The following RIMBP2 variants were observed in gnomAD, a reference collection of about 807,000 sequenced individuals.
RIMBP2 encodes RIMS-binding protein 2.
RIMBP2 carries 48 observed loss-of-function variants against 118.6 expected under a neutral mutation model. That is an observed-to-expected ratio of 0.40 (90% CI 0.32 to 0.51). The LOEUF (loss-of-function observed/expected upper bound fraction) is 0.51. Ranked by LOEUF, RIMBP2 falls within the 20% of genes least tolerant of loss-of-function variation. The pLI is 0.41. For synonymous variants in RIMBP2, 762 were observed against 742.9 expected, an observed-to-expected ratio of 1.03 and a Z score of -0.42; for missense variants, 1,551 against 1,768.3, an observed-to-expected ratio of 0.88 and a Z score of 2.20.
At chr12:130,479,075 C>G in intron 4 of RIMBP2, 59 bp from the exon 5 acceptor site, 1 of 1,397,206 alleles carries the variant, frequency 7.2e-7, no homozygotes, top group Non-Finnish European at 9.9e-7. Flanking sequence ...GGGCGTGCAT[C>G]CTATACCCTG....
chr12:130,658,116 C>T (rs575045019), intron 1 of RIMBP2: 1 of 152,388 alleles, frequency 6.6e-6, no homozygotes, highest in Non-Finnish European at 1.5e-5. Context: ...CAGTAACCAA[C>T]AATGAATGCC....
chr12:130,428,617 G>T (rs990178844), intron 14 of RIMBP2: 4 of 297,194 alleles, frequency 1.3e-5, no homozygotes, highest in African/African-American at 8.7e-5. Context: ...AAACCCACTG[G>T]GGCTTACAAG....
intron 2 of RIMBP2, among the ~76,000 whole-genome samples, chr12:130,535,656 T>C (rs2053932745): frequency 6.7e-6 from 1 of 148,930 alleles, no homozygotes; most frequent in Non-Finnish European, 1.5e-5. Context: ...TACATACATA[T>C]ACACATATAC....
intron 1 of RIMBP2, among the ~76,000 whole-genome samples, chr12:130,653,946 A>G (rs2063328428): frequency 6.6e-6 from 1 of 152,110 alleles, no homozygotes; most frequent in African/African-American, 2.4e-5. Flanking sequence ...GGCCCCTGAA[A>G]CTATTCTTTC....
intron 6 of RIMBP2, among the ~76,000 whole-genome samples, chr12:130,463,958 T>C (rs975843155): frequency 3.3e-5 from 5 of 151,114 alleles, no homozygotes; most frequent in African/African-American, 7.3e-5. Context: ...TTATAATGCA[T>C]TGGCTGCTAA....
chr12:130,608,456 T>C (rs1254020592), intron 2 of RIMBP2, among the ~76,000 whole-genome samples: 5 of 152,236 alleles, frequency 3.3e-5, no homozygotes, highest in Admixed American at 3.3e-4. Context: ...AGGCTACGTG[T>C]GCCTCTTGCA....
chr12:130,568,646 G>A (rs1409588089), intron 2 of RIMBP2, among the ~76,000 whole-genome samples: 2 of 152,246 alleles, frequency 1.3e-5, no homozygotes, highest in Non-Finnish European at 1.5e-5. Flanking sequence ...TTGCCAACTT[G>A]ATCTGTGCGC....
chr12:130,609,336 T>A (rs1042557509), intron 2 of RIMBP2, among the ~76,000 whole-genome samples: 3 of 152,148 alleles, frequency 2.0e-5, no homozygotes, highest in African/African-American at 7.2e-5. Flanking sequence ...AAATGTGTTC[T>A]CTACACAACG....
intron 4 of RIMBP2, among the ~76,000 whole-genome samples, chr12:130,480,198 T>TACACACACACACACAC (rs10580090): frequency 6.2e-5 from 8 of 128,090 alleles, no homozygotes; most frequent in African/African-American, 2.8e-4. Flanking sequence ...TTTCCTTTCA[T>TACACACACACACACAC]ACACACACAC....
In RIMBP2 at chr12:130,412,689, A is replaced by T. The variant is rs778624032; in HGVS notation, c.3519T>A (p.Asp1173Glu). Residue 1173 changes from aspartate to glutamate, a missense_variant, in exon 19 of 23, where the codon GAT (aspartate) becomes GAA (glutamate). Physicochemically the swap from Asp to Glu is conservative, Grantham distance 45. Around this residue, in one of 5 missense-constraint regions of RIMBP2, gnomAD observed 1,038 missense variants for 1,125.1 expected, o/e 0.92. Coordinates refer to ENST00000690449, the MANE Select transcript of RIMBP2 (RefSeq NM_001393629.1). ...GAAGCTGATCCATCATCTCCTCATCATCTGCTTGTATCTCAGAGACCATGT... is the reference window on the plus strand; with the variant it reads ...GAAGCTGATCCATCATCTCCTCATCTTCTGCTTGTATCTCAGAGACCATGT... ...PCNMVSEIQA[D>E]DEEMMDQLLR... 23 of 1,613,642 alleles carry T rather than the reference A, an allele frequency of 1.4e-5. No homozygotes were observed. In the South Asian group the frequency reaches 2.4e-4, roughly 17 times the overall value.
At chr12:130,480,715 T>C (rs914079823) in intron 4 of RIMBP2, among the ~76,000 whole-genome samples, 10 of 152,080 alleles carry the variant, frequency 6.6e-5, no homozygotes, top group East Asian at 3.9e-4. Context: ...ACTCTCGTGC[T>C]TCAGCCTCCC....
intron 2 of RIMBP2, among the ~76,000 whole-genome samples, chr12:130,527,411 C>T (rs890858692): frequency 2.6e-5 from 4 of 152,206 alleles, no homozygotes; most frequent in Admixed American, 2.6e-4. Context: ...ATGACTGATA[C>T]ATGCTATTCC....
Position 130,414,037 on chromosome 12 carries a change from A to G in RIMBP2, c.3420+88T>C, listed in dbSNP as rs1001657597. The stretch of plus-strand genomic sequence containing the variant: ...GGCCTGCAGGAGAAGGCCATCTCTA[A>G]GTCGATACCCTGTTGCCAGTCTCTG... On this transcript the variant is annotated intron_variant, in intron 18 of 22. Coordinates refer to ENST00000690449, the MANE Select transcript of RIMBP2 (RefSeq NM_001393629.1). 1.3e-5 allele frequency: 18 copies of G among 1,389,086 alleles called. No homozygotes were observed. The Admixed American group carries it at 3.0e-4, about 23-fold the overall frequency. The allele number at this position is 1,389,086 out of a possible 1,614,324, so 86.0% of individuals were successfully genotyped here. A position where few individuals can be genotyped will look rare whatever the true frequency, so the allele number is the denominator to read the frequency against.
Position 130,581,070 on chromosome 12 carries a change from C to T in RIMBP2, c.-217+47252G>A, listed in dbSNP as rs60529003. Among the ~76,000 whole-genome samples the T allele has an allele frequency of 0.099, 15,133 of 152,176 alleles. 923 individuals are homozygous for T. The highest frequency in any genetic ancestry group is 0.17 in the African/African-American group (7,102 of 41,482). ...CTGAGGCAGGGGCCTCGTGGCCGCA[C>T]CCTCATCCTGCCCTTCACCTGCTCA... is the stretch of plus-strand genomic sequence containing the variant. On this transcript the variant is annotated intron_variant, in intron 2 of 22. Coordinates refer to ENST00000690449, the MANE Select transcript of RIMBP2 (RefSeq NM_001393629.1). The surrounding 1 kb of genome is among the most constrained non-coding windows in gnomAD (Gnocchi z 4.4).
chr12:130,584,237 CCACCAT>C (rs147630135), intron 2 of RIMBP2, among the ~76,000 whole-genome samples: 1,568 of 33,268 alleles, frequency 0.047, 193 homozygotes, highest in Non-Finnish European at 0.094. Flanking sequence ...CACTTCACCA[CCACCAT>C]CACCATCACC....
At chr12:130,480,934 T>G (rs1490097117) in intron 4 of RIMBP2, among the ~76,000 whole-genome samples, 2 of 152,258 alleles carry the variant, frequency 1.3e-5, no homozygotes, top group Admixed American at 1.3e-4. Flanking sequence ...TTTTGGAGTC[T>G]TAAAGGCCTG....
In RIMBP2 at chr12:130,397,306, A is replaced by G; in HGVS notation, c.*55T>C. On this transcript the variant is annotated 3_prime_UTR_variant, in exon 23 of 23. Transcript: ENST00000690449. ...GAAGTACTTGAGTCATGAAAGCCCTAGTTTGGAATTAAAGAAAATTACATA... is the reference window on the plus strand; with the variant it reads ...GAAGTACTTGAGTCATGAAAGCCCTGGTTTGGAATTAAAGAAAATTACATA... 1 of 398,500 alleles carries G rather than the reference A, an allele frequency of 2.5e-6. No homozygotes were observed. Among genetic ancestry groups the G allele is most frequent in the African/African-American group, 2.1e-5 (1 of 48,760 alleles). 24.7% of individuals were successfully genotyped at this position (398,500 alleles called of 1,614,324 possible).
rs1392301419 is a variant in RIMBP2 at position 130,581,489 on chromosome 12, C to T, written c.-217+46833G>A. Among the ~76,000 whole-genome samples the T allele has an allele frequency of 6.6e-6, 1 of 152,182 alleles. No homozygotes were observed. Among genetic ancestry groups the T allele is most frequent in the African/African-American group, 2.4e-5 (1 of 41,442 alleles). The stretch of plus-strand genomic sequence containing the variant: ...CCTGTCCCAGTGGAGGTCTCAGAGG[C>T]ATCATAAGAGCATCCAGAATGAAGC... On this transcript the variant is annotated intron_variant, in intron 2 of 22. Transcript: ENST00000690449. The surrounding 1 kb of genome is among the most constrained non-coding windows in gnomAD (Gnocchi z 4.4).
Position 130,643,637 on chromosome 12 carries a change from C to T in RIMBP2, c.-351-15181G>A, listed in dbSNP as rs190570174. On this transcript the variant is annotated intron_variant, in intron 1 of 22. Coordinates refer to ENST00000690449, the MANE Select transcript of RIMBP2 (RefSeq NM_001393629.1). ...CTATACATGCGGAGGGAAAGCAAGC[C>T]CACCCAGGCTGCACTCTGCGGAGGC... is the stretch of plus-strand genomic sequence containing the variant. Among the ~76,000 whole-genome samples the T allele has an allele frequency of 8.6e-4, 131 of 152,282 alleles. 1 individual carries two copies. The highest frequency in any genetic ancestry group is 3.0e-3 in the African/African-American group (125 of 41,570).
Sources: allele counts gnomAD v4.1 joint callset (sites outside exome capture counted in the v4.1 genomes callset), GRCh38; gene constraint gnomAD v4.1.1; regional missense constraint gnomAD v4.1.1; non-coding constraint Gnocchi (gnomAD v3.1); transcripts MANE v1.5; gene names NCBI Gene and HGNC (gene_info 2026-07-23, HGNC 2026-07-21).